Variants in YIPF4 observed in about 807,000 individuals in gnomAD.
The protein encoded by YIPF4 is Yip1 domain family member 4.
A neutral mutation model predicts 29.4 loss-of-function variants in YIPF4; 18 were observed. The observed-to-expected ratio is 0.61, with a 90% CI of 0.42 to 0.91. The LOEUF (loss-of-function observed/expected upper bound fraction) is 0.91. Among genes scored for constraint, YIPF4 ranks in the 40% least tolerant of loss-of-function variants. YIPF4 has a pLI of 0.00. For synonymous variants in YIPF4, 115 were observed against 104.7 expected, an observed-to-expected ratio of 1.10 and a Z score of -0.60; for missense variants, 279 against 282.7, an observed-to-expected ratio of 0.99 and a Z score of 0.09.
At chr2:32,291,151 C>G (rs2030895950) in intron 2 of YIPF4, among the ~76,000 whole-genome samples, 1 of 152,188 alleles carries the variant, frequency 6.6e-6, no homozygotes, top group Admixed American at 6.5e-5. Flanking sequence ...GAACCTATAG[C>G]TTTGTAAAAT....
chr2:32,306,703 A>T lies in YIPF4; in HGVS notation c.*1077A>T. On this transcript the variant is annotated 3_prime_UTR_variant, in exon 6 of 6. Coordinates refer to ENST00000238831, the MANE Select transcript of YIPF4 (RefSeq NM_032312.4). ...TTTATCAGTGAAATATTTGTTGCAA[A>T]TAATTTCATAGGTTTTTAGATACAC... 4.5e-6 allele frequency: 3 copies of T among 663,924 alleles called. No homozygotes were observed. The highest frequency in any genetic ancestry group is 5.6e-6 in the Non-Finnish European group (3 of 536,732). 41.1% of individuals were successfully genotyped at this position (663,924 alleles called of 1,614,324 possible).
At chr2:32,290,455 A>G in intron 1 of YIPF4, 28 bp from the exon 2 acceptor site, 1 of 1,426,386 alleles carries the variant, frequency 7.0e-7, no homozygotes, top group Non-Finnish European at 9.2e-7. Flanking sequence ...GCCTTAGTTT[A>G]TATAGTTTTA....
chr2:32,278,213 G>A lies in YIPF4; in HGVS notation c.58G>A (p.Val20Ile). The A allele has an allele frequency of 7.6e-6, 12 of 1,570,668 alleles. No homozygotes were observed. The highest frequency in any genetic ancestry group is 1.0e-5 in the Non-Finnish European group (12 of 1,158,430). ...CCCCACTAACGGGGACTTCACCTTTGTCTCCTCAGCAGACGCGGAAGGTGA... is the reference window on the plus strand; with the variant it reads ...CCCCACTAACGGGGACTTCACCTTTATCTCCTCAGCAGACGCGGAAGGTGA... ...YAPTNGDFTF[V>I]SSADAEDLSG... The change falls in exon 1 of 6, where the codon GTC (valine) becomes ATC (isoleucine). Residue 20 changes from valine (V) to isoleucine (I), a missense_variant. Val to Ile is a conservative substitution (Grantham distance 29). Transcript: ENST00000238831.
In YIPF4 at chr2:32,278,078, G is replaced by A. The variant is rs2030177797; in HGVS notation, c.-78G>A. ...GGCCGCACCGTAGGGCGAGCGTGCGGGTCGCCGCCGCGGCCGCCTCGGGGT... is the reference window on the plus strand; with the variant it reads ...GGCCGCACCGTAGGGCGAGCGTGCGAGTCGCCGCCGCGGCCGCCTCGGGGT... On this transcript the variant is annotated 5_prime_UTR_variant, in exon 1 of 6. Coordinates refer to ENST00000238831, the MANE Select transcript of YIPF4 (RefSeq NM_032312.4). 1 of 1,319,830 alleles carries A rather than the reference G, an allele frequency of 7.6e-7. No homozygotes were observed. The highest frequency in any genetic ancestry group is 1.0e-6 in the Non-Finnish European group (1 of 970,084). 81.8% of individuals were successfully genotyped at this position (1,319,830 alleles called of 1,614,324 possible). A position where few individuals can be genotyped will look rare whatever the true frequency, so the allele number is the denominator to read the frequency against.
In YIPF4 at chr2:32,279,547, G is replaced by A. The variant is rs550836741; in HGVS notation, c.79+1313G>A. ...CGTGTAGCTGGGACTACAGGCGCCC[G>A]CCACCACGCCCGGCTAATTTTTTTT... On this transcript the variant is annotated intron_variant, in intron 1 of 5. Coordinates refer to ENST00000238831, the MANE Select transcript of YIPF4 (RefSeq NM_032312.4). Among the ~76,000 whole-genome samples the A allele has an allele frequency of 5.4e-5, 8 of 149,250 alleles. No individual in the cohort carries two copies. In the South Asian group the frequency reaches 6.4e-4, roughly 12 times the overall value.
intron 1 of YIPF4, among the ~76,000 whole-genome samples, chr2:32,289,066 AAG>A (rs950275732): frequency 2.6e-5 from 4 of 152,212 alleles, no homozygotes; most frequent in Non-Finnish European, 4.4e-5. Context: ...AAGCACTTAT[AAG>A]AGAGTATTTT....
At chr2:32,295,373 C>G (rs569761044) in intron 3 of YIPF4, among the ~76,000 whole-genome samples, 5 of 152,204 alleles carry the variant, frequency 3.3e-5, no homozygotes, top group African/African-American at 9.6e-5. Flanking sequence ...TTAAATAATA[C>G]AGATTTATTA....
intron 1 of YIPF4, among the ~76,000 whole-genome samples, chr2:32,290,035 C>G (rs1190643504): frequency 1.3e-5 from 2 of 152,120 alleles, no homozygotes; most frequent in East Asian, 3.9e-4. Flanking sequence ...TACGAATTTC[C>G]TTTAGTAAAT....
intron 4 of YIPF4, 58 bp downstream of exon 4, chr2:32,298,369 A>C: frequency 7.8e-7 from 1 of 1,278,644 alleles, no homozygotes; most frequent in Non-Finnish European, 1.1e-6. Flanking sequence ...AGTTTTTGAT[A>C]CTGCAGATAT....
intron 1 of YIPF4, among the ~76,000 whole-genome samples, chr2:32,279,081 C>T (rs2030255252): frequency 1.3e-5 from 2 of 151,750 alleles, no homozygotes; most frequent in Admixed American, 6.6e-5. Context: ...CATTCTCCTG[C>T]CTCAGCCTCC....
intron 1 of YIPF4, among the ~76,000 whole-genome samples, chr2:32,286,483 C>T (rs1021508356): frequency 3.9e-5 from 6 of 152,074 alleles, no homozygotes; most frequent in Non-Finnish European, 7.4e-5. Flanking sequence ...ACTACTAAAA[C>T]CATAAACCAG....
At position 32,316,431 on chromosome 2, in the gene YIPF4, A is replaced by G. The variant is rs2031836108; in HGVS notation, c.*10805A>G. 6.6e-6 allele frequency: 1 copy of G among 152,220 alleles called. No homozygotes were observed. Among genetic ancestry groups the G allele is most frequent in the Non-Finnish European group, 1.5e-5 (1 of 68,036 alleles). The allele number at this position is 152,220 out of a possible 1,614,324, so 9.4% of individuals were successfully genotyped here. A position where few individuals can be genotyped will look rare whatever the true frequency, so the allele number is the denominator to read the frequency against. On this transcript the variant is annotated 3_prime_UTR_variant, in exon 6 of 6. Coordinates refer to ENST00000238831, the MANE Select transcript of YIPF4 (RefSeq NM_032312.4). ...CGGATTCCCAAAACTTTAAAAGATT[A>G]ATAATATCCAGTATTGGTTGGGATT...
intron 5 of YIPF4, among the ~76,000 whole-genome samples, chr2:32,304,697 A>C (rs1468441465): frequency 6.6e-6 from 1 of 152,212 alleles, no homozygotes; most frequent in Non-Finnish European, 1.5e-5. Flanking sequence ...CAATATTGCA[A>C]GGTTTAGAAA....
chr2:32,297,482 C>G (rs1439184471), intron 3 of YIPF4, among the ~76,000 whole-genome samples: 1 of 151,854 alleles, frequency 6.6e-6, no homozygotes, highest in Non-Finnish European at 1.5e-5. Context: ...AAACCAGTTT[C>G]TGGGGTTGGT....
intron 4 of YIPF4, among the ~76,000 whole-genome samples, chr2:32,300,435 A>T (rs75178555): frequency 3.1e-5 from 4 of 130,158 alleles, no homozygotes; most frequent in East Asian, 2.2e-4. Context: ...CTCCGTCTTT[A>T]AAAAAAAAAA....
chr2:32,277,992 G>A lies in YIPF4; in HGVS notation c.-164G>A, dbSNP rs1380194830. 7 of 590,140 alleles carry A rather than the reference G, an allele frequency of 1.2e-5. No individual in the cohort carries two copies. The highest frequency in any genetic ancestry group is 2.0e-5 in the Non-Finnish European group (7 of 347,648). 36.6% of individuals were successfully genotyped at this position (590,140 alleles called of 1,614,324 possible). Reference sequence around the variant, plus strand: ...ACTTTGGTGGGGTAGTCTCGGGGCAGCTCAGCGGCCCGCTGTGCCCGTTTC... The same window carrying A: ...ACTTTGGTGGGGTAGTCTCGGGGCAACTCAGCGGCCCGCTGTGCCCGTTTC... On this transcript the variant is annotated 5_prime_UTR_variant, in exon 1 of 6. Transcript: ENST00000238831.
At chr2:32,298,693 G>T (rs1464504811) in intron 4 of YIPF4, among the ~76,000 whole-genome samples, 1 of 151,700 alleles carries the variant, frequency 6.6e-6, no homozygotes, top group Non-Finnish European at 1.5e-5. Flanking sequence ...CGAGTAGCTG[G>T]GATTATAGAT....
intron 1 of YIPF4, among the ~76,000 whole-genome samples, chr2:32,288,654 A>T (rs1280712444): frequency 6.6e-6 from 1 of 152,198 alleles, no homozygotes; most frequent in Non-Finnish European, 1.5e-5. Context: ...TACTAAAAAT[A>T]CAAAAATTAG....
intron 1 of YIPF4, among the ~76,000 whole-genome samples, chr2:32,288,246 C>A (rs2030760689): frequency 6.6e-6 from 1 of 152,134 alleles, no homozygotes; most frequent in Non-Finnish European, 1.5e-5. Flanking sequence ...ACAGAAAGTA[C>A]TAGAAAATTT....
Sources: allele counts gnomAD v4.1 joint callset (sites outside exome capture counted in the v4.1 genomes callset), GRCh38; gene constraint gnomAD v4.1.1; transcripts MANE v1.5; gene names NCBI Gene and HGNC (gene_info 2026-07-23, HGNC 2026-07-21).